PTGIR: variants seen among roughly 807,000 people sequenced by gnomAD.
PTGIR encodes prostaglandin I2 receptor.
In PTGIR, 16 loss-of-function variants were observed where a neutral mutation model predicts 17.6. The observed-to-expected ratio is 0.91, with a 90% CI of 0.61 to 1.38. The LOEUF (loss-of-function observed/expected upper bound fraction) is 1.38. Among genes scored for constraint, PTGIR ranks in the 40% most tolerant of loss-of-function variants. PTGIR has a pLI of 0.00. For synonymous variants in PTGIR, 274 were observed against 255.4 expected (o/e 1.07, Z -0.69); for missense variants, 532 against 548.6 (o/e 0.97, Z 0.30).
At chr19:46,619,565 GAGAGAGAGAGAGAGAGAGAA>G (rs1972018157), downstream of PTGIR, among the ~76,000 whole-genome samples, 1 of 122,562 alleles carries the variant, frequency 8.2e-6, no homozygotes, top group African/African-American at 3.2e-5. Context: ...GAGAGAGAGA[GAGAGAGAGAGAGAGAGAGAA>G]AGAAAGAAAA....
Position 46,621,654 on chromosome 19 carries a change from CCTGGGTGAAGCAGCGGAT to C in PTGIR, c.769_786del (p.Ile257_Gln262del). The C allele has an allele frequency of 6.2e-7, 1 of 1,612,424 alleles. No individual in the cohort carries two copies. Among genetic ancestry groups the C allele is most frequent in the Non-Finnish European group, 8.5e-7 (1 of 1,179,454 alleles). On this transcript the variant is annotated inframe_deletion and splice_region_variant, in exon 3 of 3. Coordinates refer to ENST00000291294, the MANE Select transcript of PTGIR (RefSeq NM_000960.4). The surrounding 1 kb of genome is among the most constrained non-coding windows in gnomAD (Gnocchi z 4.8). The stretch of plus-strand genomic sequence containing the variant: ...TCACTGCTGCTGTCAGGGGCGACAG[CCTGGGTGAAGCAGCGGAT>C]CTGAGGGCAGGGTGAGGGCGTCAAG...
At position 46,624,119 on chromosome 19, in the gene PTGIR, C is replaced by T; in HGVS notation, c.107G>A (p.Gly36Asp). ...AGVVGNGLAL[G>D]ILSARRPARP... ...CGCCGGTCGCCGTGCGCTCAGGATGCCCAGGGCCAGCCCGTTGCCCACCAC... is the reference window on the plus strand; with the variant it reads ...CGCCGGTCGCCGTGCGCTCAGGATGTCCAGGGCCAGCCCGTTGCCCACCAC... The change falls in exon 2 of 3, where the codon GGC (glycine) becomes GAC (aspartate). Residue 36 changes from glycine to aspartate, a missense_variant. Coordinates refer to ENST00000291294, the MANE Select transcript of PTGIR (RefSeq NM_000960.4). The T allele has an allele frequency of 5.2e-6, 8 of 1,538,800 alleles. No individual in the cohort carries two copies. Among genetic ancestry groups the T allele is most frequent in the Non-Finnish European group, 6.1e-6 (7 of 1,149,036 alleles).
downstream of PTGIR, among the ~76,000 whole-genome samples, chr19:46,619,627 A>AAG (rs1184517870): frequency 7.3e-6 from 1 of 136,592 alleles, no homozygotes; most frequent in African/African-American, 2.9e-5. Context: ...GAAAGAAAGA[A>AAG]AGAAAGAAAG....
chr19:46,617,844 C>CTTTTTT (rs61603656), downstream of PTGIR, among the ~76,000 whole-genome samples: 1 of 138,556 alleles, frequency 7.2e-6, no homozygotes. Flanking sequence ...TTAACAAGGG[C>CTTTTTT]TTTTTTTTTT....
chr19:46,624,031 G>A lies in PTGIR; in HGVS notation c.195C>T (p.Ser65=). The change falls in exon 2 of 3, where the codon AGC becomes AGT. Residue 65 remains serine (S), a synonymous_variant. Transcript: ENST00000291294. The stretch of plus-strand genomic sequence containing the variant: ...CCACGAACACGGCCGGGCTCAGGAA[G>A]CTGGTGCCCAGCAGGTCGGTGGCCG... ...GLAATDLLGT[S]FLSPAVFVAY... 3 of 1,540,572 alleles carry A rather than the reference G, an allele frequency of 1.9e-6. No homozygotes were observed. Among genetic ancestry groups the A allele is most frequent in the Non-Finnish European group, 2.6e-6 (3 of 1,143,474 alleles).
In PTGIR at chr19:46,624,176, G is replaced by C. The variant is rs765317875; in HGVS notation, c.50C>G (p.Pro17Arg). 2 of 1,493,152 alleles carry C rather than the reference G, an allele frequency of 1.3e-6. No homozygotes were observed. Among genetic ancestry groups the C allele is most frequent in the East Asian group, 5.0e-5 (2 of 40,058 alleles). 92.5% of individuals were successfully genotyped at this position (1,493,152 alleles called of 1,614,324 possible). A position where few individuals can be genotyped will look rare whatever the true frequency, so the allele number is the denominator to read the frequency against. Residue 17 changes from proline to arginine, a missense_variant, in exon 2 of 3, where the codon CCG (proline) becomes CGG (arginine). Pro to Arg is a moderately radical substitution (Grantham distance 103). Coordinates refer to ENST00000291294, the MANE Select transcript of PTGIR (RefSeq NM_000960.4). Reference sequence around the variant, plus strand: ...CACGAACATCAGGGTGCTGGTGGCCGGCCCCACCGAGCCCCGCACGTAGGT... The same window carrying C: ...CACGAACATCAGGGTGCTGGTGGCCCGCCCCACCGAGCCCCGCACGTAGGT... ...NLTYVRGSVG[P>R]ATSTLMFVAG... is the part of the protein sequence containing the mutation.
Position 46,623,725 on chromosome 19 carries a change from G to T in PTGIR, c.501C>A (p.Gly167=). The change falls in exon 2 of 3, where the codon GGC becomes GGA. Residue 167 remains glycine, a synonymous_variant. Transcript: ENST00000291294. ...GLGQHQQYCP[G]SWCFLRMRWA... is the part of the protein sequence containing the mutation. ...AGCGCATGCGGAGGAAGCACCAGCT[G>T]CCGGGGCAGTACTGCTGGTGTTGGC... 6.3e-7 allele frequency: 1 copy of T among 1,588,656 alleles called. No individual in the cohort carries two copies.
chr19:46,622,490 A>G lies in PTGIR; in HGVS notation c.769-818T>C, dbSNP rs1156707819. Reference sequence around the variant, plus strand: ...TTATCTTAGGAAGTATCTGTAAGCCACTAAGCACGGGGCGGGCATAGAGAA... The same window carrying G: ...TTATCTTAGGAAGTATCTGTAAGCCGCTAAGCACGGGGCGGGCATAGAGAA... On this transcript the variant is annotated intron_variant, in intron 2 of 2. Transcript: ENST00000291294. 6 of 784,710 alleles carry G rather than the reference A, an allele frequency of 7.6e-6. No homozygotes were observed. The African/African-American group carries it at 9.4e-5, about 12-fold the overall frequency. 48.6% of individuals were successfully genotyped at this position (784,710 alleles called of 1,614,324 possible).
rs749948632 is a variant in PTGIR at position 46,621,493 on chromosome 19, G to A, written c.948C>T (p.His316=). Reference sequence around the variant, plus strand: ...GGGAAAGGGGTGTCTGCGAGTCTCCGTGGGCAGGCCCGAGGCACAGGCAGC... The same window carrying A: ...GGGAAAGGGGTGTCTGCGAGTCTCCATGGGCAGGCCCGAGGCACAGGCAGC... ...WVCCLCLGPA[H]GDSQTPLSQL... The change falls in exon 3 of 3, where the codon CAC becomes CAT. Residue 316 remains histidine (H), a synonymous_variant. Coordinates refer to ENST00000291294, the MANE Select transcript of PTGIR (RefSeq NM_000960.4). The surrounding 1 kb of genome is among the most constrained non-coding windows in gnomAD (Gnocchi z 4.8). 27 of 1,614,068 alleles carry A rather than the reference G, an allele frequency of 1.7e-5. No homozygotes were observed. The highest frequency in any genetic ancestry group is 1.6e-4 in the Middle Eastern group (1 of 6,084).
chr19:46,621,474 G>A lies in PTGIR; in HGVS notation c.967C>T (p.Leu323Phe). ...CTCCTCCCTGAGGCGAGCTGGGAAA[G>A]GGGTGTCTGCGAGTCTCCGTGGGCA... ...GPAHGDSQTPLSQLASGRRDP... is the reference protein window; with the variant it reads ...GPAHGDSQTPFSQLASGRRDP... Residue 323 changes from leucine to phenylalanine, a missense_variant, in exon 3 of 3, where the codon CTT becomes TTT. Leu to Phe is a conservative substitution (Grantham distance 22). Transcript: ENST00000291294. The surrounding 1 kb of genome is among the most constrained non-coding windows in gnomAD (Gnocchi z 4.8). 2 of 1,614,180 alleles carry A rather than the reference G, an allele frequency of 1.2e-6. No homozygotes were observed. Among genetic ancestry groups the A allele is most frequent in the Non-Finnish European group, 1.7e-6 (2 of 1,180,024 alleles).
chr19:46,611,185 G>T, the PTGIR span, among the ~76,000 whole-genome samples: 1 of 144,632 alleles, frequency 6.9e-6, no homozygotes, highest in African/African-American at 2.6e-5. Context: ...GGGCATTCCA[G>T]TTCGGGGGGA....
At chr19:46,624,351 C>A (rs1003880200) in intron 1 of PTGIR, 114 bp from the exon 2 acceptor site, 7 of 976,978 alleles carry the variant, frequency 7.2e-6, no homozygotes, top group Non-Finnish European at 9.9e-6. Context: ...TCCCAGCCAA[C>A]CCCCAGTTCT....
In PTGIR at chr19:46,621,444, G is replaced by A; in HGVS notation, c.997C>T (p.Pro333Ser). The A allele has an allele frequency of 6.2e-7, 1 of 1,613,758 alleles. No homozygotes were observed. The highest frequency in any genetic ancestry group is 1.1e-5 in the South Asian group (1 of 91,080). Residue 333 changes from proline (P) to serine (S), a missense_variant, in exon 3 of 3, where the codon CCA (proline) becomes TCA (serine). Physicochemically the swap from Pro to Ser is moderately conservative, Grantham distance 74. Transcript: ENST00000291294. This position sits in a 1 kb window ranked among gnomAD's most constrained non-coding sequence, Gnocchi z 4.8. ...LSQLASGRRD[P>S]RAPSAPVGKE... ...CCCACAGGAGCAGAGGGGGCCCTTGGGTCCCTCCTCCCTGAGGCGAGCTGG... is the reference window on the plus strand; with the variant it reads ...CCCACAGGAGCAGAGGGGGCCCTTGAGTCCCTCCTCCCTGAGGCGAGCTGG...
At chr19:46,619,592 A>AAGGG (rs1568675735), downstream of PTGIR, among the ~76,000 whole-genome samples, 1 of 112,396 alleles carries the variant, frequency 8.9e-6, no homozygotes. Context: ...AGAAAGAAAG[A>AAGGG]AAAGAAAGAA....
At chr19:46,620,250 C>A (rs566525383), downstream of PTGIR, among the ~76,000 whole-genome samples, 1 of 152,118 alleles carries the variant, frequency 6.6e-6, no homozygotes, top group Non-Finnish European at 1.5e-5. Context: ...CAGGTGTGCA[C>A]CACCACGCCC....
At chr19:46,611,754 T>TA in the PTGIR span, among the ~76,000 whole-genome samples, 14 of 152,298 alleles carry the variant, frequency 9.2e-5, no homozygotes, top group East Asian at 2.7e-3. Context: ...AGTGGGGCTA[T>TA]AGTGGAGGGA....
downstream of PTGIR, among the ~76,000 whole-genome samples, chr19:46,616,352 T>TTTTTTTTTTTTTTTTG (rs1971963251): frequency 6.9e-6 from 1 of 144,318 alleles, no homozygotes; most frequent in African/African-American, 2.6e-5. Context: ...TTTTTTTTTT[T>TTTTTTTTTTTTTTTTG]AGACAAAGTC....
downstream of PTGIR, among the ~76,000 whole-genome samples, chr19:46,619,604 G>GGAAAGAATGAAA (rs1555816590): frequency 1.6e-4 from 11 of 67,202 alleles, no homozygotes; most frequent in Non-Finnish European, 1.9e-4. Context: ...AAGAAAGAAA[G>GGAAAGAATGAAA]GAAAGAAAGA....
chr19:46,620,195 G>A (rs1972038315), downstream of PTGIR, among the ~76,000 whole-genome samples: 3 of 152,126 alleles, frequency 2.0e-5, no homozygotes, highest in South Asian at 6.2e-4. Flanking sequence ...AACCTCCCAC[G>A]TTCAGGTGAT....
Sources: gnomAD v4.1 joint callset for allele counts (sites outside exome capture counted in the v4.1 genomes callset) on GRCh38, gnomAD v4.1.1 for gene constraint, Gnocchi (gnomAD v3.1) non-coding constraint, MANE v1.5 for transcripts, NCBI Gene and HGNC (gene_info 2026-07-23, HGNC 2026-07-21) for gene names.